Variants in MERTK observed in about 807,000 individuals in gnomAD.
The protein encoded by MERTK is tyrosine-protein kinase Mer.
MERTK carries 69 observed loss-of-function variants against 99.3 expected under a neutral mutation model. The ratio of observed to expected loss-of-function variants is 0.70; its 90% CI spans 0.57 to 0.85. The LOEUF is 0.85. Among genes scored for constraint, MERTK ranks in the 40% least tolerant of loss-of-function variants. The pLI is 0.00. For missense variants in MERTK, 1,125 were observed against 1,249.4 expected, an observed-to-expected ratio of 0.90 and a Z score of 1.50; for synonymous variants, 426 against 467.6, an observed-to-expected ratio of 0.91 and a Z score of 1.15.
intron 14 of MERTK, 88 bp downstream of exon 14, chr2:112,008,563 GT>G: frequency 2.1e-6 from 2 of 955,508 alleles, no homozygotes; most frequent in Non-Finnish European, 3.4e-6. Context: ...GTGTAGATAA[GT>G]TTACACTTCG....
chr2:111,942,418 G>T (rs1262285512), intron 2 of MERTK, among the ~76,000 whole-genome samples: 1 of 152,186 alleles, frequency 6.6e-6, no homozygotes, highest in African/African-American at 2.4e-5. Context: ...CATTGCCCAC[G>T]ATGGGCAGGA....
At chr2:111,898,838 T>C in intron 1 of MERTK, 42 bp downstream of exon 1, 1 of 1,553,584 alleles carries the variant, frequency 6.4e-7, no homozygotes, top group Non-Finnish European at 8.7e-7. Flanking sequence ...GGGTGGGGGC[T>C]CCCAGGAGGA....
intron 18 of MERTK, among the ~76,000 whole-genome samples, chr2:112,024,001 T>C (rs1677413493): frequency 6.6e-6 from 1 of 152,222 alleles, no homozygotes; most frequent in African/African-American, 2.4e-5. Flanking sequence ...AGAAGGACAC[T>C]GTTTTAATCA....
At chr2:111,931,597 A>G (rs946419393) in intron 2 of MERTK, among the ~76,000 whole-genome samples, 6 of 151,936 alleles carry the variant, frequency 3.9e-5, no homozygotes, top group Non-Finnish European at 8.8e-5. Flanking sequence ...GAGGCAGGAG[A>G]ATTGCTTGAA....
At chr2:111,974,380 C>T (rs1014899771) in intron 6 of MERTK, among the ~76,000 whole-genome samples, 25 of 150,162 alleles carry the variant, frequency 1.7e-4, no homozygotes, top group Admixed American at 7.3e-4. Flanking sequence ...GAGTCAGACT[C>T]CATCTCAAAA....
chr2:111,905,173 G>C (rs972439212), intron 1 of MERTK, among the ~76,000 whole-genome samples: 1 of 152,292 alleles, frequency 6.6e-6, no homozygotes, highest in South Asian at 2.1e-4. Flanking sequence ...TGAACTGGGT[G>C]ATTCTTAGCC....
intron 7 of MERTK, among the ~76,000 whole-genome samples, chr2:111,981,530 C>A (rs1362735029): frequency 2.6e-5 from 4 of 152,052 alleles, no homozygotes; most frequent in Admixed American, 2.6e-4. Context: ...AATTATTGAC[C>A]AAGCATTGCA....
chr2:111,921,840 G>A (rs1314523625), intron 1 of MERTK, among the ~76,000 whole-genome samples: 5 of 152,012 alleles, frequency 3.3e-5, no homozygotes, highest in Non-Finnish European at 7.4e-5. Flanking sequence ...CAATCCTCCC[G>A]CTTCGGCCTC....
At chr2:111,993,652 AT>A (rs1446459135) in intron 8 of MERTK, among the ~76,000 whole-genome samples, 11 of 152,164 alleles carry the variant, frequency 7.2e-5, no homozygotes, top group African/African-American at 2.6e-4. Context: ...AGTTCTGGTT[AT>A]TTTTTCCCCT....
chr2:111,985,399 T>TG (rs1404339187), intron 8 of MERTK, among the ~76,000 whole-genome samples: 1 of 152,122 alleles, frequency 6.6e-6, no homozygotes, highest in East Asian at 1.9e-4. Flanking sequence ...AGAACATCCG[T>TG]GGAAGGGCAG....
At chr2:111,965,558 A>C (rs2104722943) in intron 5 of MERTK, among the ~76,000 whole-genome samples, 1 of 152,364 alleles carries the variant, frequency 6.6e-6, no homozygotes, top group Middle Eastern at 3.4e-3. Context: ...TCACTCGTTT[A>C]GCTCTGCTTA....
chr2:111,932,973 A>T (rs1173295650), intron 2 of MERTK, among the ~76,000 whole-genome samples: 1 of 152,164 alleles, frequency 6.6e-6, no homozygotes, highest in African/African-American at 2.4e-5. Context: ...TTTTATGGTC[A>T]TGCTGACCTT....
At chr2:112,018,445 A>G (rs571591831) in intron 15 of MERTK, among the ~76,000 whole-genome samples, 2 of 152,342 alleles carry the variant, frequency 1.3e-5, no homozygotes, top group South Asian at 2.1e-4. Flanking sequence ...AAAGATTAAG[A>G]CATTTCATTT....
chr2:111,952,072 A>G (rs1685068182), intron 4 of MERTK: 1 of 152,150 alleles, frequency 6.6e-6, no homozygotes, highest in African/African-American at 2.4e-5. Context: ...TTATTTCTAA[A>G]AGGTCAGTTA....
chr2:111,972,235 C>T (rs1285644748), intron 6 of MERTK, among the ~76,000 whole-genome samples: 1 of 152,090 alleles, frequency 6.6e-6, no homozygotes, highest in Non-Finnish European at 1.5e-5. Context: ...TTCACCATGT[C>T]ACCCAGGCTG....
intron 8 of MERTK, among the ~76,000 whole-genome samples, chr2:111,988,750 A>G (rs1573623016): frequency 6.6e-6 from 1 of 152,332 alleles, no homozygotes; most frequent in East Asian, 1.9e-4. Context: ...GTTCGACGAG[A>G]CCAGCCTAGC....
chr2:112,008,810 A>G, intron 14 of MERTK: 2 of 383,950 alleles, frequency 5.2e-6, no homozygotes, highest in Middle Eastern at 3.5e-4. Context: ...AAGGTTATGC[A>G]TGAGTTAGAT....
chr2:111,930,459 C>G (rs1345019127), intron 2 of MERTK: 1 of 151,950 alleles, frequency 6.6e-6, no homozygotes, highest in African/African-American at 2.4e-5. Flanking sequence ...TAGTGAGACC[C>G]TGTCTCAAAA....
At chr2:111,988,936 G>A (rs573247860) in intron 8 of MERTK, among the ~76,000 whole-genome samples, 203 of 152,260 alleles carry the variant, frequency 1.3e-3, no homozygotes, top group Non-Finnish European at 9.4e-4. Context: ...GGGACAGAGC[G>A]AGACTCCATT....
Sources: gnomAD v4.1 joint callset for allele counts (sites outside exome capture counted in the v4.1 genomes callset) on GRCh38, gnomAD v4.1.1 for gene constraint, MANE v1.5 for transcripts, NCBI Gene and HGNC (gene_info 2026-07-23, HGNC 2026-07-21) for gene names.